Variants in EPHA6 observed in about 807,000 individuals in gnomAD.
The protein encoded by EPHA6 is EPH receptor A6, also known as ephrin type-A receptor 6.
A neutral mutation model predicts 112.0 loss-of-function variants in EPHA6; 50 were observed. The observed-to-expected ratio is 0.45, with a 90% CI of 0.36 to 0.56. The LOEUF is 0.56. EPHA6 is among the 20% of genes least tolerant of loss of function. The pLI is 0.00. For missense variants in EPHA6, 1,280 were observed against 1,417.4 expected (o/e 0.90, Z 1.56); for synonymous variants, 529 against 490.7 (o/e 1.08, Z -1.03).
At chr3:96,864,674 G>A (rs2036204949) in intron 1 of EPHA6, among the ~76,000 whole-genome samples, 1 of 151,942 alleles carries the variant, frequency 6.6e-6, no homozygotes, top group African/African-American at 2.4e-5. Context: ...CATTTAAAGA[G>A]GGTGGATTTG....
chr3:97,141,260 C>A (rs545363842), intron 3 of EPHA6, among the ~76,000 whole-genome samples: 2 of 152,206 alleles, frequency 1.3e-5, no homozygotes, highest in Non-Finnish European at 2.9e-5. Flanking sequence ...ACTGACAGCA[C>A]TGGAGAGATC....
At chr3:97,489,210 C>T (rs910874406) in intron 10 of EPHA6, among the ~76,000 whole-genome samples, 1 of 152,140 alleles carries the variant, frequency 6.6e-6, no homozygotes, top group African/African-American at 2.4e-5. Context: ...ATTGCCCAAC[C>T]CTCAATATAC....
At chr3:97,337,474 A>G (rs2083108890) in intron 5 of EPHA6, among the ~76,000 whole-genome samples, 1 of 152,192 alleles carries the variant, frequency 6.6e-6, no homozygotes, top group African/African-American at 2.4e-5. Flanking sequence ...ACTAGGCTAA[A>G]GAATGAAAAG....
intron 3 of EPHA6, among the ~76,000 whole-genome samples, chr3:97,177,570 A>C (rs115540883): frequency 0.015 from 2,300 of 151,854 alleles, 73 homozygotes; most frequent in African/African-American, 0.052. Flanking sequence ...TGTTTGGTTC[A>C]TATATGTTTA....
chr3:97,185,956 A>G (rs2077117854), intron 3 of EPHA6, among the ~76,000 whole-genome samples: 3 of 151,544 alleles, frequency 2.0e-5, no homozygotes, highest in South Asian at 4.2e-4. Flanking sequence ...GCAAACTATC[A>G]CAAGGACAAA....
chr3:97,379,574 C>T (rs2085589428), intron 5 of EPHA6, among the ~76,000 whole-genome samples: 1 of 151,126 alleles, frequency 6.6e-6, no homozygotes, highest in African/African-American at 2.4e-5. Context: ...CATGGTGAAA[C>T]CTCATCTCTA....
At position 97,385,074 on chromosome 3, in the gene EPHA6, T is replaced by C. The variant is rs567021373; in HGVS notation, c.1607-20076T>C. ...CAGAGTGGGGAAAAGATGGACACAG[T>C]AGGTTCTGGCAAACTGATGAGAACT... On this transcript the variant is annotated intron_variant, in intron 5 of 17. Transcript: ENST00000389672. Among the ~76,000 whole-genome samples, 39 of 152,318 alleles carry C rather than the reference T, an allele frequency of 2.6e-4. No homozygotes were observed. In the East Asian group the frequency reaches 4.8e-3, roughly 19 times the overall value.
At chr3:97,708,756 G>A (rs2033811389) in intron 14 of EPHA6, among the ~76,000 whole-genome samples, 1 of 152,254 alleles carries the variant, frequency 6.6e-6, no homozygotes, top group Admixed American at 6.5e-5. Context: ...TGTACAGCCT[G>A]AGGACTTGGT....
chr3:97,147,975 G>A (rs1319917213), intron 3 of EPHA6, among the ~76,000 whole-genome samples: 1 of 152,038 alleles, frequency 6.6e-6, no homozygotes, highest in East Asian at 1.9e-4. Context: ...AACAATATGG[G>A]AAACTAGGTG....
chr3:96,960,038 A>G (rs2041902490), intron 2 of EPHA6, among the ~76,000 whole-genome samples: 1 of 152,104 alleles, frequency 6.6e-6, no homozygotes, highest in Non-Finnish European at 1.5e-5. Context: ...CCTAACCATA[A>G]ACACACCCTG....
chr3:97,381,729 A>T (rs1278339195), intron 5 of EPHA6, among the ~76,000 whole-genome samples: 1 of 152,138 alleles, frequency 6.6e-6, no homozygotes, highest in African/African-American at 2.4e-5. Flanking sequence ...ACATTTTGTC[A>T]TGACTTAAAA....
intron 13 of EPHA6, among the ~76,000 whole-genome samples, chr3:97,630,944 C>T (rs114101818): frequency 0.014 from 2,064 of 152,066 alleles, 28 homozygotes; most frequent in Non-Finnish European, 0.021. Context: ...TATAAAACCA[C>T]CTGTGACCTG....
At chr3:97,310,671 T>C (rs760078005) in intron 5 of EPHA6, among the ~76,000 whole-genome samples, 2 of 151,634 alleles carry the variant, frequency 1.3e-5, no homozygotes, top group Non-Finnish European at 3.0e-5. Context: ...AGCTTAAACA[T>C]AGTAAGTCCT....
chr3:96,984,161 G>GT (rs1268391294), intron 2 of EPHA6, among the ~76,000 whole-genome samples: 1 of 152,058 alleles, frequency 6.6e-6, no homozygotes, highest in Non-Finnish European at 1.5e-5. Flanking sequence ...TTTCTCCTCT[G>GT]TTTTTTTCCC....
At chr3:97,042,396 T>C (rs911938120) in intron 3 of EPHA6, among the ~76,000 whole-genome samples, 1 of 152,100 alleles carries the variant, frequency 6.6e-6, no homozygotes, top group African/African-American at 2.4e-5. Flanking sequence ...TCATGCTTCC[T>C]GTACAGCCTG....
intron 3 of EPHA6, among the ~76,000 whole-genome samples, chr3:97,086,450 C>T (rs1325277035): frequency 6.6e-6 from 1 of 151,804 alleles, no homozygotes; most frequent in Non-Finnish European, 1.5e-5. Flanking sequence ...TTTAAAACAA[C>T]AGAAATATTA....
chr3:97,105,905 C>A (rs1425428441), intron 3 of EPHA6, among the ~76,000 whole-genome samples: 3 of 151,934 alleles, frequency 2.0e-5, no homozygotes, highest in Non-Finnish European at 4.4e-5. Flanking sequence ...TTATGTGATG[C>A]CTTTCTTTGT....
chr3:97,405,095 G>C, intron 5 of EPHA6, 55 bp from the exon 6 acceptor site: 4 of 1,534,638 alleles, frequency 2.6e-6, no homozygotes, highest in Non-Finnish European at 3.5e-6. Flanking sequence ...TTAAAGAAAG[G>C]ATAATGGAAA....
intron 7 of EPHA6, among the ~76,000 whole-genome samples, chr3:97,470,637 A>T (rs2091201290): frequency 6.6e-6 from 1 of 151,128 alleles, no homozygotes; most frequent in Non-Finnish European, 1.5e-5. Context: ...TCTCTTTTTT[A>T]AGTATTTAGA....
Sources: allele counts gnomAD v4.1 joint callset (sites outside exome capture counted in the v4.1 genomes callset), GRCh38; gene constraint gnomAD v4.1.1; transcripts MANE v1.5; gene names NCBI Gene and HGNC (gene_info 2026-07-23, HGNC 2026-07-21).